The following CIP2A variants were observed in gnomAD, a reference collection of about 807,000 sequenced individuals.
CIP2A encodes the protein protein CIP2A.
A neutral mutation model predicts 110.9 loss-of-function variants in CIP2A; 103 were observed. The ratio of observed to expected loss-of-function variants is 0.93; its 90% CI spans 0.79 to 1.09. The LOEUF is 1.09. CIP2A is among the 50% of genes least tolerant of loss of function. The pLI is 0.00. For synonymous variants in CIP2A, 381 were observed against 361.6 expected, an observed-to-expected ratio of 1.05 and a Z score of -0.61; for missense variants, 1,088 against 1,038.4, an observed-to-expected ratio of 1.05 and a Z score of -0.66.
intron 16 of CIP2A, among the ~76,000 whole-genome samples, chr3:108,558,536 G>A (rs1300853950): frequency 6.6e-6 from 1 of 152,082 alleles, no homozygotes; most frequent in East Asian, 1.9e-4. Flanking sequence ...GCTAGGGCCT[G>A]GAGCTATAGA....
In CIP2A at chr3:108,555,652, C is replaced by T. The variant is rs184297094; in HGVS notation, c.2211-1163G>A. On this transcript the variant is annotated intron_variant, in intron 17 of 20. Coordinates refer to ENST00000295746, the MANE Select transcript of CIP2A (RefSeq NM_020890.3). ...AGGGTCTTGAACAAAGTCACTCTCC[C>T]TAGCTAGTTAACATTTTTCTACTGA... Among the ~76,000 whole-genome samples, 493 of 152,240 alleles carry T rather than the reference C, an allele frequency of 3.2e-3. 6 individuals are homozygous for T. Among genetic ancestry groups the T allele is most frequent in the African/African-American group, 0.011 (469 of 41,548 alleles).
Position 108,569,482 on chromosome 3 carries a change from A to G in CIP2A, c.1020T>C (p.Pro340=). 6.2e-7 allele frequency: 1 copy of G among 1,612,814 alleles called. No homozygotes were observed. Among genetic ancestry groups the G allele is most frequent in the Non-Finnish European group, 8.5e-7 (1 of 1,179,260 alleles). ...TTAACCAGCGCAGTAGAGCCACAGT[A>G]GGTTCTAAACATTTAGTATGGCTTC... ...TLGSHTKCLE[P]TVALLRWLSQ... The change falls in exon 9 of 21, where the codon CCT becomes CCC. Residue 340 remains proline (P), a synonymous_variant. Coordinates refer to ENST00000295746, the MANE Select transcript of CIP2A (RefSeq NM_020890.3).
In CIP2A at chr3:108,585,016, T is replaced by C. The variant is rs758328860; in HGVS notation, c.250+49A>G. 11 of 1,529,162 alleles carry C rather than the reference T, an allele frequency of 7.2e-6. No individual in the cohort carries two copies. In the African/African-American group the frequency reaches 8.3e-5, roughly 12 times the overall value. 94.7% of individuals were successfully genotyped at this position (1,529,162 alleles called of 1,614,324 possible). On this transcript the variant is annotated intron_variant, in intron 2 of 20. Coordinates refer to ENST00000295746, the MANE Select transcript of CIP2A (RefSeq NM_020890.3). ...ATAACTAAGCCTGCACTTTAAAATA[T>C]TGTTCATACATCTTCCAAAAACTAA...
In CIP2A at chr3:108,579,558, G is replaced by A. The variant is rs533805606; in HGVS notation, c.672+8C>T. 4.1e-5 allele frequency: 64 copies of A among 1,577,464 alleles called. No individual in the cohort carries two copies. Among genetic ancestry groups the A allele is most frequent in the Non-Finnish European group, 5.3e-5 (62 of 1,161,134 alleles). On this transcript the variant is annotated splice_region_variant and intron_variant, in intron 6 of 20. Coordinates refer to ENST00000295746, the MANE Select transcript of CIP2A (RefSeq NM_020890.3). Reference sequence around the variant, plus strand: ...AACTTCAGAATAAATTTGAAAAATTGTATTTACCTTTTCCCCCACCTCTTC... The same window carrying A: ...AACTTCAGAATAAATTTGAAAAATTATATTTACCTTTTCCCCCACCTCTTC...
chr3:108,576,270 C>T lies in CIP2A; in HGVS notation c.894+1G>A. On this transcript the variant is annotated splice_donor_variant, in intron 8 of 20. Coordinates refer to ENST00000295746, the MANE Select transcript of CIP2A (RefSeq NM_020890.3). LOFTEE classifies it high-confidence loss of function. ...AAATGAAAAGTCATGTTTTTACATA[C>T]CTTTGAAGAGGAATCAGGATCCTTT... 1 of 1,535,844 alleles carries T rather than the reference C, an allele frequency of 6.5e-7. No individual in the cohort carries two copies. The highest frequency in any genetic ancestry group is 2.4e-5 in the East Asian group (1 of 41,790).
chr3:108,553,925 C>T (rs1337595501), intron 18 of CIP2A, among the ~76,000 whole-genome samples, 195 bp from the exon 19 acceptor site: 2 of 74,612 alleles, frequency 2.7e-5, no homozygotes, highest in Admixed American at 1.2e-4. Context: ...AAAAAGGTCT[C>T]GTTCTGTCAC....
chr3:108,576,665 T>C (rs1938665546), intron 7 of CIP2A, among the ~76,000 whole-genome samples: 1 of 152,206 alleles, frequency 6.6e-6, no homozygotes, highest in African/African-American at 2.4e-5. Flanking sequence ...TTTTTAAGAT[T>C]GTGTTCACTT....
chr3:108,589,419 T>G lies in CIP2A; in HGVS notation c.-44A>C. 7.0e-7 allele frequency: 1 copy of G among 1,427,740 alleles called. No homozygotes were observed. The highest frequency in any genetic ancestry group is 1.2e-5 in the South Asian group (1 of 83,380). 88.4% of individuals were successfully genotyped at this position (1,427,740 alleles called of 1,614,324 possible). A position where few individuals can be genotyped will look rare whatever the true frequency, so the allele number is the denominator to read the frequency against. ...GCTTAGGGACCACCACCGCCCAGCGTGCGCCGGCCTTTAGCTTTCGCCGCG... is the reference window on the plus strand; with the variant it reads ...GCTTAGGGACCACCACCGCCCAGCGGGCGCCGGCCTTTAGCTTTCGCCGCG... On this transcript the variant is annotated 5_prime_UTR_variant, in exon 1 of 21. Coordinates refer to ENST00000295746, the MANE Select transcript of CIP2A (RefSeq NM_020890.3).
chr3:108,562,796 A>C (rs975254453), intron 13 of CIP2A, among the ~76,000 whole-genome samples: 5 of 152,092 alleles, frequency 3.3e-5, no homozygotes, highest in Non-Finnish European at 7.4e-5. Context: ...ACAGTCAGGA[A>C]GGAAAAGCTC....
rs1280404332 is a variant in CIP2A, at chr3:108,581,443, A to T, written c.521T>A (p.Leu174His). The change falls in exon 5 of 21, where the codon CTT (leucine) becomes CAT (histidine). Residue 174 changes from leucine (L) to histidine (H), a missense_variant. Transcript: ENST00000295746. ...TGTCTTTATGTGCGTTTGAACAGAAAGATTGTGCCGACAAAGATTTGCCAA... is the reference window on the plus strand; with the variant it reads ...TGTCTTTATGTGCGTTTGAACAGAATGATTGTGCCGACAAAGATTTGCCAA... ...GLLANLCRHN[L>H]SVQTHIKTLS... is the part of the protein sequence containing the mutation. The T allele has an allele frequency of 6.2e-7, 1 of 1,612,686 alleles. No individual in the cohort carries two copies. The highest frequency in any genetic ancestry group is 1.3e-5 in the African/African-American group (1 of 74,912).
chr3:108,578,081 G>C (rs999152723), intron 7 of CIP2A, among the ~76,000 whole-genome samples: 15 of 152,156 alleles, frequency 9.9e-5, no homozygotes, highest in Admixed American at 5.9e-4. Context: ...TGGCATACCA[G>C]AAAAACAAGA....
At chr3:108,552,137 T>G in intron 20 of CIP2A, 97 bp downstream of exon 20, 1 of 915,872 alleles carries the variant, frequency 1.1e-6, no homozygotes, top group Non-Finnish European at 1.6e-6. Context: ...TTCTAAAAAA[T>G]TTGCTGAAGA....
chr3:108,588,756 T>C (rs564283446), intron 1 of CIP2A, among the ~76,000 whole-genome samples: 135 of 152,312 alleles, frequency 8.9e-4, no homozygotes, highest in South Asian at 4.8e-3. Context: ...GCAATGTATT[T>C]TGGTAAAGAA....
At chr3:108,581,167 C>T (rs567559091) in intron 5 of CIP2A, among the ~76,000 whole-genome samples, 2 of 152,256 alleles carry the variant, frequency 1.3e-5, no homozygotes, top group Admixed American at 6.5e-5. Flanking sequence ...GGATGCCATG[C>T]TGAGGAAAAC....
At chr3:108,556,564 T>G (rs1158998858) in intron 17 of CIP2A, among the ~76,000 whole-genome samples, 1 of 152,170 alleles carries the variant, frequency 6.6e-6, no homozygotes, top group Admixed American at 6.6e-5. Flanking sequence ...ACCATTGTGT[T>G]CAAAAAGGAC....
intron 2 of CIP2A, among the ~76,000 whole-genome samples, chr3:108,584,204 G>A (rs1023617392): frequency 1.3e-5 from 2 of 152,100 alleles, no homozygotes; most frequent in African/African-American, 4.8e-5. Flanking sequence ...CCACTATTAG[G>A]GGAATAGTTG....
At chr3:108,575,321 TACAC>T in intron 8 of CIP2A, among the ~76,000 whole-genome samples, 1 of 150,860 alleles carries the variant, frequency 6.6e-6, no homozygotes, top group Admixed American at 6.6e-5. Context: ...CACGTGCATG[TACAC>T]ACACGTGTAT....
chr3:108,557,281 T>G lies in CIP2A; in HGVS notation c.2147A>C (p.Lys716Thr), dbSNP rs144123538. The G allele has an allele frequency of 1.4e-5, 23 of 1,610,284 alleles. No individual in the cohort carries two copies. Among genetic ancestry groups the G allele is most frequent in the Non-Finnish European group, 1.4e-5 (17 of 1,177,512 alleles). ...ATGTTCTTCAGCCACAGACTCTAAC[T>G]TCCTATTATGTTGAAAGAGATGCTC... The part of the protein sequence containing the change: ...DIEHLFQHNR[K>T]LESVAEEHEI... The change falls in exon 17 of 21, where the codon AAG becomes ACG. Residue 716 changes from lysine to threonine, a missense_variant. Coordinates refer to ENST00000295746, the MANE Select transcript of CIP2A (RefSeq NM_020890.3).
At chr3:108,562,376 C>G (rs779873156) in intron 13 of CIP2A, among the ~76,000 whole-genome samples, 6 of 152,116 alleles carry the variant, frequency 3.9e-5, no homozygotes, top group Non-Finnish European at 8.8e-5. Context: ...TCCAATAAAA[C>G]TATTTACAAA....
Sources: gnomAD v4.1 joint callset for allele counts (sites outside exome capture counted in the v4.1 genomes callset) on GRCh38, gnomAD v4.1.1 for gene constraint, MANE v1.5 for transcripts, NCBI Gene and HGNC (gene_info 2026-07-23, HGNC 2026-07-21) for gene names.